KCNG3: variants seen among roughly 807,000 people sequenced by gnomAD.
KCNG3 encodes the protein potassium voltage-gated channel modifier subfamily G member 3.
A neutral mutation model predicts 29.0 loss-of-function variants in KCNG3; 15 were observed. The ratio of observed to expected loss-of-function variants is 0.52; its 90% CI spans 0.35 to 0.80. The LOEUF (loss-of-function observed/expected upper bound fraction) is 0.80, where lower values mean the gene tolerates loss of function less well. Among genes scored for constraint, KCNG3 ranks in the 30% least tolerant of loss-of-function variants. The pLI is 0.01. For synonymous variants in KCNG3, 322 were observed against 248.9 expected (o/e 1.29, Z -2.76); for missense variants, 512 against 605.7 (o/e 0.85, Z 1.62).
intron 1 of KCNG3, among the ~76,000 whole-genome samples, chr2:42,450,632 T>C (rs892384258): frequency 3.9e-5 from 6 of 152,218 alleles, no homozygotes; most frequent in Non-Finnish European, 5.9e-5. Flanking sequence ...CTAATAAAAA[T>C]ATTCACCACT....
intron 1 of KCNG3, among the ~76,000 whole-genome samples, chr2:42,485,041 G>A (rs1012261324): frequency 1.3e-5 from 2 of 152,142 alleles, no homozygotes; most frequent in African/African-American, 4.8e-5. Flanking sequence ...GATTTATGCA[G>A]TATTGAACTG....
chr2:42,466,092 T>C (rs1185309180), intron 1 of KCNG3, among the ~76,000 whole-genome samples: 1 of 152,184 alleles, frequency 6.6e-6, no homozygotes, highest in Non-Finnish European at 1.5e-5. Flanking sequence ...CTATACCTTT[T>C]CTCTGTTTAG....
chr2:42,418,735 A>C, the KCNG3 span, among the ~76,000 whole-genome samples: 4 of 152,324 alleles, frequency 2.6e-5, no homozygotes, highest in East Asian at 7.7e-4. Context: ...CACAAATGTG[A>C]TTTTTAAAAT....
At chr2:42,461,792 A>G (rs987218214) in intron 1 of KCNG3, among the ~76,000 whole-genome samples, 1 of 152,224 alleles carries the variant, frequency 6.6e-6, no homozygotes, top group African/African-American at 2.4e-5. Flanking sequence ...CTGGCAGTTC[A>G]TTAGTAAAAG....
chr2:42,480,678 A>G (rs1289784605), intron 1 of KCNG3, among the ~76,000 whole-genome samples: 2 of 151,678 alleles, frequency 1.3e-5, no homozygotes, highest in African/African-American at 4.8e-5. Context: ...AAAAACCATA[A>G]CTACTCATAA....
At chr2:42,487,517 GACTCCT>G (rs1438571085) in intron 1 of KCNG3, among the ~76,000 whole-genome samples, 2 of 151,880 alleles carry the variant, frequency 1.3e-5, no homozygotes, top group African/African-American at 4.8e-5. Context: ...CAAGATGAAT[GACTCCT>G]CAATATATGT....
intron 1 of KCNG3, among the ~76,000 whole-genome samples, chr2:42,483,371 T>C (rs1001214018): frequency 5.8e-4 from 88 of 152,356 alleles, no homozygotes; most frequent in African/African-American, 2.1e-3. Context: ...CTTTGGAATT[T>C]AGCCTAAATA....
chr2:42,492,028 CT>C (rs534061970), intron 1 of KCNG3, among the ~76,000 whole-genome samples: 10 of 152,318 alleles, frequency 6.6e-5, no homozygotes, highest in Non-Finnish European at 1.2e-4. Context: ...GCTATCACCA[CT>C]TCAAGGTAAG....
chr2:42,404,661 G>T, the KCNG3 span, among the ~76,000 whole-genome samples: 1 of 152,168 alleles, frequency 6.6e-6, no homozygotes, highest in East Asian at 1.9e-4. Context: ...CCGGGAGGCG[G>T]AGGTTTCAGT....
intron 1 of KCNG3, among the ~76,000 whole-genome samples, chr2:42,458,980 T>C (rs1037687799): frequency 1.3e-5 from 2 of 152,094 alleles, no homozygotes; most frequent in African/African-American, 4.8e-5. Flanking sequence ...GTGGATTACC[T>C]GAGGTCAGGA....
chr2:42,403,316 A>AT, the KCNG3 span, among the ~76,000 whole-genome samples: 447 of 151,350 alleles, frequency 3.0e-3, 1 homozygote, highest in African/African-American at 0.01. Context: ...TAATTTTTGT[A>AT]TTTTTTTCTG....
chr2:42,459,372 T>C (rs978660104), intron 1 of KCNG3, among the ~76,000 whole-genome samples: 7 of 152,190 alleles, frequency 4.6e-5, no homozygotes, highest in Non-Finnish European at 1.5e-5. Flanking sequence ...TGTGGGCATT[T>C]ATCCCAGAGT....
In KCNG3 at chr2:42,493,163, C is replaced by T. The variant is rs780098564; in HGVS notation, c.339G>A (p.Gln113=). Reference sequence around the variant, plus strand: ...CGGACATGCGGTCGTCGAGGCGGCGCTGGCAGCAGTACTCGAGGTGCGCGC... The same window carrying T: ...CGGACATGCGGTCGTCGAGGCGGCGTTGGCAGCAGTACTCGAGGTGCGCGC... ...LEGAHLEYCC[Q]RRLDDRMSDT... Residue 113 remains glutamine, a synonymous_variant, in exon 1 of 2, where the codon CAG becomes CAA. Transcript: ENST00000306078. The T allele has an allele frequency of 5.0e-6, 8 of 1,607,740 alleles. No individual in the cohort carries two copies. Among genetic ancestry groups the T allele is most frequent in the Non-Finnish European group, 6.8e-6 (8 of 1,179,690 alleles).
At chr2:42,391,128 C>A in the KCNG3 span, among the ~76,000 whole-genome samples, 1 of 152,174 alleles carries the variant, frequency 6.6e-6, no homozygotes, top group African/African-American at 2.4e-5. Flanking sequence ...ATTTGCATTC[C>A]AAATACAGGG....
the KCNG3 span, among the ~76,000 whole-genome samples, chr2:42,431,846 T>C: frequency 6.6e-6 from 1 of 152,170 alleles, no homozygotes; most frequent in African/African-American, 2.4e-5. Context: ...GAGACCAGCC[T>C]GGCCAACATG....
intron 1 of KCNG3, among the ~76,000 whole-genome samples, chr2:42,486,767 T>C (rs553894769): frequency 4.6e-5 from 7 of 152,344 alleles, no homozygotes; most frequent in Non-Finnish European, 7.3e-5. Flanking sequence ...CCCAGCTCCA[T>C]GACAGCAGGA....
the KCNG3 span, among the ~76,000 whole-genome samples, chr2:42,417,813 A>T: frequency 1.3e-5 from 2 of 151,862 alleles, no homozygotes; most frequent in Non-Finnish European, 2.9e-5. Context: ...TCTGCTAAAA[A>T]ATTCAAAAAT....
chr2:42,468,317 T>C (rs1452331885), intron 1 of KCNG3, among the ~76,000 whole-genome samples: 1 of 152,176 alleles, frequency 6.6e-6, no homozygotes, highest in Non-Finnish European at 1.5e-5. Flanking sequence ...CAGGTGCTCT[T>C]TGACATACAA....
intron 1 of KCNG3, among the ~76,000 whole-genome samples, chr2:42,457,864 T>TA (rs1672918557): frequency 6.6e-6 from 1 of 151,658 alleles, no homozygotes; most frequent in African/African-American, 2.4e-5. Context: ...CACGCACCTG[T>TA]AGTCTCCTAG....
Sources: gnomAD v4.1 joint callset for allele counts (sites outside exome capture counted in the v4.1 genomes callset) on GRCh38, gnomAD v4.1.1 for gene constraint, MANE v1.5 for transcripts, NCBI Gene and HGNC (gene_info 2026-07-23, HGNC 2026-07-21) for gene names.